Variants in SNX29 observed in about 807,000 individuals in gnomAD.
SNX29 encodes the protein sorting nexin-29.
Under a neutral mutation model 102.1 loss-of-function variants are expected in SNX29, and 78 were observed. The ratio of observed to expected loss-of-function variants is 0.76; its 90% CI spans 0.64 to 0.92. The LOEUF (loss-of-function observed/expected upper bound fraction) is 0.92, where lower values mean the gene tolerates loss of function less well. SNX29 is among the 40% of genes least tolerant of loss of function. The pLI is 0.00. For synonymous variants in SNX29, 580 were observed against 414.5 expected, an observed-to-expected ratio of 1.40 and a Z score of -4.85; for missense variants, 1,280 against 1,061.7, an observed-to-expected ratio of 1.21 and a Z score of -2.86.
At chr16:12,408,513 G>A (rs1567533614) in intron 18 of SNX29, among the ~76,000 whole-genome samples, 3 of 152,206 alleles carry the variant, frequency 2.0e-5, no homozygotes, top group South Asian at 2.1e-4. Flanking sequence ...AACCTGCCTC[G>A]GGGTGGCTGC....
At chr16:12,537,002 T>A (rs1487812752) in intron 20 of SNX29, among the ~76,000 whole-genome samples, 22 of 151,976 alleles carry the variant, frequency 1.4e-4, no homozygotes, top group Non-Finnish European at 4.4e-5. Flanking sequence ...TAAAAAGAGT[T>A]GTTCAGGGCA....
chr16:12,219,549 G>T (rs1487283130), intron 14 of SNX29, among the ~76,000 whole-genome samples: 1 of 152,172 alleles, frequency 6.6e-6, no homozygotes, highest in African/African-American at 2.4e-5. Context: ...GTAGAAAGGG[G>T]TAATATTCTG....
At chr16:12,565,940 G>GC (rs1567218280) in intron 20 of SNX29, among the ~76,000 whole-genome samples, 2 of 152,082 alleles carry the variant, frequency 1.3e-5, no homozygotes, top group African/African-American at 4.8e-5. Context: ...TCCAGTGTCT[G>GC]CCCTCCCCAT....
At chr16:12,346,657 A>G (rs1264499949) in intron 15 of SNX29, among the ~76,000 whole-genome samples, 2 of 152,168 alleles carry the variant, frequency 1.3e-5, no homozygotes, top group Admixed American at 6.5e-5. Context: ...TCTTAAAGGA[A>G]CACACCTTTC....
chr16:12,544,830 AACTCCTTGGGGAAATGCCC>A (rs1351379731), intron 20 of SNX29, among the ~76,000 whole-genome samples: 2 of 152,202 alleles, frequency 1.3e-5, no homozygotes, highest in African/African-American at 2.4e-5. Flanking sequence ...CTTCAGCAAG[AACTCCTTGGGGAAATGCCC>A]ACATGCAGCC....
intron 20 of SNX29, chr16:12,560,975 C>G (rs3751783): frequency 0.01 from 2,144 of 213,720 alleles, 42 homozygotes; most frequent in African/African-American, 0.044. Context: ...TTCAAGGAAC[C>G]CTTGGGTACT....
chr16:12,536,349 T>C (rs919338609), intron 20 of SNX29, among the ~76,000 whole-genome samples: 12 of 152,080 alleles, frequency 7.9e-5, no homozygotes, highest in African/African-American at 2.4e-4. Context: ...CAAGCCGTAC[T>C]GTCAGGGTTG....
chr16:12,017,151 C>G (rs957178091), intron 3 of SNX29, among the ~76,000 whole-genome samples: 1 of 152,240 alleles, frequency 6.6e-6, no homozygotes, highest in East Asian at 1.9e-4. Context: ...AAAAATTATA[C>G]TGCCTGATGT....
intron 15 of SNX29, among the ~76,000 whole-genome samples, chr16:12,354,817 G>A (rs905762989): frequency 2.0e-5 from 3 of 152,168 alleles, no homozygotes; most frequent in African/African-American, 7.2e-5. Context: ...AGGTAACAAA[G>A]GAATATTAAT....
In SNX29 at chr16:12,539,664, G is replaced by C. The variant is rs138244093; in HGVS notation, c.2318+14823G>C. On this transcript the variant is annotated intron_variant, in intron 20 of 20. Transcript: ENST00000566228. Reference sequence around the variant, plus strand: ...AAACTGCATTCCCACAGCGTATGAGGGGCCCAGTTGCTCTGCACCCTGGGC... The same window carrying C: ...AAACTGCATTCCCACAGCGTATGAGCGGCCCAGTTGCTCTGCACCCTGGGC... 1.6e-4 allele frequency among the ~76,000 whole-genome samples: 24 copies of C among 152,234 alleles called. 1 individual carries two copies. In the South Asian group the frequency reaches 5.0e-3, roughly 32 times the overall value.
intron 14 of SNX29, among the ~76,000 whole-genome samples, chr16:12,214,093 A>G (rs982857844): frequency 1.3e-5 from 2 of 151,982 alleles, no homozygotes; most frequent in Admixed American, 6.6e-5. Flanking sequence ...GGCGACCTCC[A>G]TTAAGGGGTA....
intron 13 of SNX29, among the ~76,000 whole-genome samples, chr16:12,180,482 CTCTG>C (rs1465794338): frequency 3.3e-5 from 5 of 151,540 alleles, no homozygotes; most frequent in Admixed American, 2.0e-4. Flanking sequence ...TTTGTTGCTT[CTCTG>C]TCTCTTTTTT....
intron 16 of SNX29, among the ~76,000 whole-genome samples, chr16:12,388,586 C>T (rs542433859): frequency 1.3e-4 from 20 of 152,328 alleles, no homozygotes; most frequent in East Asian, 9.6e-4. Flanking sequence ...GTGCGGGTCA[C>T]GCTGTCTCTC....
At chr16:12,120,370 G>T (rs2053921291) in intron 11 of SNX29, among the ~76,000 whole-genome samples, 1 of 152,226 alleles carries the variant, frequency 6.6e-6, no homozygotes, top group Admixed American at 6.5e-5. Flanking sequence ...GCTATATAAA[G>T]CCAGGGAGTT....
intron 14 of SNX29, among the ~76,000 whole-genome samples, chr16:12,227,899 TAAAAAAA>T (rs59381762): frequency 9.8e-5 from 7 of 71,570 alleles, no homozygotes; most frequent in African/African-American, 3.7e-4. Context: ...GACTCTGTCT[TAAAAAAA>T]AAAAAAAAAA....
At chr16:12,124,665 G>A (rs995727455) in intron 11 of SNX29, among the ~76,000 whole-genome samples, 8 of 152,200 alleles carry the variant, frequency 5.3e-5, no homozygotes, top group African/African-American at 1.9e-4. Flanking sequence ...GAAATCTGGT[G>A]TCTTACTTCC....
chr16:12,419,000 T>C (rs2084763793), intron 18 of SNX29, among the ~76,000 whole-genome samples: 1 of 152,178 alleles, frequency 6.6e-6, no homozygotes, highest in Admixed American at 6.5e-5. Flanking sequence ...GCTGCTGGCT[T>C]GTAGTGGGCA....
At chr16:12,248,782 T>G (rs2078336891) in intron 14 of SNX29, among the ~76,000 whole-genome samples, 2 of 151,960 alleles carry the variant, frequency 1.3e-5, no homozygotes, top group Admixed American at 1.3e-4. Flanking sequence ...TGGCACTGCT[T>G]TATTTTTCTG....
At chr16:12,200,296 G>A (rs1295581037) in intron 14 of SNX29, among the ~76,000 whole-genome samples, 1 of 152,134 alleles carries the variant, frequency 6.6e-6, no homozygotes, top group Non-Finnish European at 1.5e-5. Context: ...CTTGCCAAAT[G>A]AGGTGGGGCC....
Sources: gnomAD v4.1 joint callset for allele counts (sites outside exome capture counted in the v4.1 genomes callset) on GRCh38, gnomAD v4.1.1 for gene constraint, MANE v1.5 for transcripts, NCBI Gene and HGNC (gene_info 2026-07-23, HGNC 2026-07-21) for gene names.